The following CNTN1 variants were observed in gnomAD, a reference collection of about 807,000 sequenced individuals.
CNTN1 encodes the protein contactin 1.
In CNTN1, 38 loss-of-function variants were observed where a neutral mutation model predicts 126.4. The observed-to-expected ratio is 0.30, with a 90% CI of 0.23 to 0.39. The LOEUF (loss-of-function observed/expected upper bound fraction) is 0.39, where lower values mean the gene tolerates loss of function less well. Among genes scored for constraint, CNTN1 ranks in the 10% least tolerant of loss-of-function variants. The pLI is 1.00. For missense variants in CNTN1, 1,009 were observed against 1,248.4 expected (o/e 0.81, Z 2.89); for synonymous variants, 413 against 422.6 (o/e 0.98, Z 0.28).
chr12:40,970,772 G>A (rs766584249), intron 15 of CNTN1, among the ~76,000 whole-genome samples: 3 of 152,036 alleles, frequency 2.0e-5, no homozygotes, highest in Admixed American at 2.0e-4. Context: ...TAGGTAAATC[G>A]ATTAGATATC....
chr12:40,954,223 T>C (rs2136990100), intron 14 of CNTN1, among the ~76,000 whole-genome samples: 1 of 152,236 alleles, frequency 6.6e-6, no homozygotes, highest in East Asian at 1.9e-4. Context: ...TGTGTCGTAA[T>C]AGTTTGAAAG....
intron 1 of CNTN1, among the ~76,000 whole-genome samples, chr12:40,759,018 C>T (rs1199213466): frequency 6.6e-6 from 1 of 152,126 alleles, no homozygotes; most frequent in Admixed American, 6.5e-5. Context: ...ATTCTCCTGC[C>T]TCGGCCTCCC....
chr12:40,826,625 C>T (rs1052216983), intron 1 of CNTN1, among the ~76,000 whole-genome samples: 1 of 152,170 alleles, frequency 6.6e-6, no homozygotes, highest in Non-Finnish European at 1.5e-5. Context: ...GAAGTCTGCA[C>T]CTATTGTCAT....
intron 1 of CNTN1, among the ~76,000 whole-genome samples, chr12:40,905,187 A>C (rs569140692): frequency 6.6e-6 from 1 of 152,346 alleles, no homozygotes; most frequent in South Asian, 2.1e-4. Context: ...GTTAAATTAC[A>C]TTCTAGCCCT....
Position 40,918,667 on chromosome 12 carries a change from A to G in CNTN1, c.123A>G (p.Pro41=). The change falls in exon 4 of 24, where the codon CCA becomes CCG. Residue 41 remains proline (P), a synonymous_variant. Transcript: ENST00000551295. ...GVSEEDKGFG[P]IFEEQPINTI... ...CTGAGGAAGACAAAGGATTTGGACC[A>G]ATTTTTGAAGAGCAGCCAATCAATA... The G allele has an allele frequency of 6.2e-7, 1 of 1,613,604 alleles. No individual in the cohort carries two copies. Among genetic ancestry groups the G allele is most frequent in the South Asian group, 1.1e-5 (1 of 91,076 alleles).
At position 40,922,034 on chromosome 12, in the gene CNTN1, G is replaced by A. The variant is rs551683680; in HGVS notation, c.228-222G>A. Reference sequence around the variant, plus strand: ...ACCTCACAAAAAAAAGACAAAATACGTCATGTACTTTGATGTTTCCTTGTC... The same window carrying A: ...ACCTCACAAAAAAAAGACAAAATACATCATGTACTTTGATGTTTCCTTGTC... On this transcript the variant is annotated intron_variant, in intron 4 of 23. Transcript: ENST00000551295. Among the ~76,000 whole-genome samples the A allele has an allele frequency of 3.0e-4, 46 of 152,214 alleles. 1 individual carries two copies. Among genetic ancestry groups the A allele is most frequent in the African/African-American group, 8.2e-4 (34 of 41,524 alleles).
intron 1 of CNTN1, among the ~76,000 whole-genome samples, chr12:40,736,579 A>G (rs1007599642): frequency 1.3e-5 from 2 of 152,124 alleles, no homozygotes; most frequent in Non-Finnish European, 2.9e-5. Flanking sequence ...AGTAAATATA[A>G]TAAAGCATTA....
chr12:40,975,381 A>G (rs1361064735), intron 15 of CNTN1, among the ~76,000 whole-genome samples: 3 of 151,870 alleles, frequency 2.0e-5, no homozygotes, highest in Non-Finnish European at 4.4e-5. Context: ...TTGAACCATG[A>G]ATGACAGAAT....
At chr12:40,900,414 T>C (rs1382871772) in intron 1 of CNTN1, among the ~76,000 whole-genome samples, 1 of 152,142 alleles carries the variant, frequency 6.6e-6, no homozygotes, top group African/African-American at 2.4e-5. Context: ...AAGGCCCACA[T>C]AGATTTTTGT....
chr12:41,026,565 A>G (rs1283452987), intron 21 of CNTN1, among the ~76,000 whole-genome samples: 1 of 152,214 alleles, frequency 6.6e-6, no homozygotes, highest in Non-Finnish European at 1.5e-5. Context: ...CACTCTAAGT[A>G]GTACAAAACC....
At chr12:40,897,848 T>C (rs777371287) in intron 1 of CNTN1, among the ~76,000 whole-genome samples, 11 of 152,120 alleles carry the variant, frequency 7.2e-5, no homozygotes, top group Non-Finnish European at 1.5e-4. Context: ...TAGGATTAAA[T>C]ATTATGATGA....
At chr12:41,040,253 T>G (rs1300858479) in intron 23 of CNTN1, among the ~76,000 whole-genome samples, 1 of 152,124 alleles carries the variant, frequency 6.6e-6, no homozygotes, top group Admixed American at 6.6e-5. Context: ...ATTTCTATAA[T>G]TGCTCAAAGC....
In CNTN1 at chr12:40,772,195, G is replaced by A. The variant is rs1263843884; in HGVS notation, c.-77+79603G>A. The stretch of plus-strand genomic sequence containing the variant: ...AATTGTGAATTATTCACATAATTCG[G>A]AATAAAGTTGTTTCTAAATTGCCTT... On this transcript the variant is annotated intron_variant, in intron 1 of 23. Transcript: ENST00000551295. 5.9e-5 allele frequency among the ~76,000 whole-genome samples: 9 copies of A among 151,964 alleles called. No homozygotes were observed. In the South Asian group the frequency reaches 6.2e-4, roughly 11 times the overall value.
intron 1 of CNTN1, among the ~76,000 whole-genome samples, chr12:40,901,084 A>G (rs1405158265): frequency 6.6e-6 from 1 of 152,182 alleles, no homozygotes; most frequent in East Asian, 1.9e-4. Context: ...ACTAACTTGT[A>G]CATTTTCGTA....
At chr12:40,759,280 C>T (rs1226655785) in intron 1 of CNTN1, among the ~76,000 whole-genome samples, 1 of 152,198 alleles carries the variant, frequency 6.6e-6, no homozygotes, top group Non-Finnish European at 1.5e-5. Flanking sequence ...AGGATTGAAA[C>T]TTGCTTAGTT....
chr12:40,896,744 G>A (rs1944428751), intron 1 of CNTN1, among the ~76,000 whole-genome samples: 1 of 152,102 alleles, frequency 6.6e-6, no homozygotes, highest in East Asian at 1.9e-4. Flanking sequence ...AAGTGGCCTT[G>A]CATTTAAAAA....
intron 1 of CNTN1, among the ~76,000 whole-genome samples, chr12:40,709,279 G>GT (rs1014405638): frequency 6.6e-6 from 1 of 152,016 alleles, no homozygotes; most frequent in African/African-American, 2.4e-5. Context: ...TGAAAAGATT[G>GT]TTTTTTTTCT....
chr12:41,062,459 A>G lies in CNTN1; in HGVS notation c.2981-7500A>G, dbSNP rs529440324. Among the ~76,000 whole-genome samples the G allele has an allele frequency of 2.6e-5, 4 of 152,326 alleles. No individual in the cohort carries two copies. In the East Asian group the frequency reaches 7.7e-4, roughly 29 times the overall value. ...AAGTTTTACATCTCAACTCTAGTCT[A>G]TACTTGCATTGTTGATAACATTTAG... On this transcript the variant is annotated intron_variant, in intron 23 of 23. Transcript: ENST00000551295.
intron 1 of CNTN1, among the ~76,000 whole-genome samples, chr12:40,814,712 GT>G (rs925821617): frequency 2.4e-4 from 37 of 152,002 alleles, no homozygotes; most frequent in Admixed American, 1.0e-3. Flanking sequence ...CTTTAAAGTA[GT>G]TTTTTTTCCA....
Sources: gnomAD v4.1 joint callset for allele counts (sites outside exome capture counted in the v4.1 genomes callset) on GRCh38, gnomAD v4.1.1 for gene constraint, MANE v1.5 for transcripts, NCBI Gene and HGNC (gene_info 2026-07-23, HGNC 2026-07-21) for gene names.